GFOD1: variants seen among roughly 807,000 people sequenced by gnomAD.
GFOD1 encodes Gfo/Idh/MocA-like oxidoreductase domain containing 1.
Under a neutral mutation model 25.4 loss-of-function variants are expected in GFOD1, and 9 were observed. The observed-to-expected ratio is 0.35, with a 90% CI of 0.21 to 0.62. GFOD1 has a LOEUF of 0.62. Ranked by LOEUF, GFOD1 falls within the 20% of genes least tolerant of loss-of-function variation. The pLI is 0.72. For missense variants in GFOD1, 403 were observed against 556.9 expected, an observed-to-expected ratio of 0.72 and a Z score of 2.78; for synonymous variants, 253 against 245.6, an observed-to-expected ratio of 1.03 and a Z score of -0.28.
At chr6:13,373,533 A>C (rs1182935505) in intron 1 of GFOD1, among the ~76,000 whole-genome samples, 2 of 152,110 alleles carry the variant, frequency 1.3e-5, no homozygotes, top group African/African-American at 4.8e-5. Flanking sequence ...GTAAAGAAAA[A>C]GAAAAAAGGC....
chr6:13,471,086 A>G (rs1758493328), intron 1 of GFOD1, among the ~76,000 whole-genome samples: 1 of 152,224 alleles, frequency 6.6e-6, no homozygotes, highest in Non-Finnish European at 1.5e-5. Context: ...GAGGAGGAAT[A>G]AAGTCGGAAA....
rs573544365 is a variant in GFOD1, at chr6:13,419,759, C to T, written c.254-54097G>A. Among the ~76,000 whole-genome samples, 3 of 152,328 alleles carry T rather than the reference C, an allele frequency of 2.0e-5. 1 individual carries two copies. The South Asian group carries it at 6.2e-4, about 32-fold the overall frequency. On this transcript the variant is annotated intron_variant, in intron 1 of 1. Transcript: ENST00000379287. Reference sequence around the variant, plus strand: ...GGGACACGGAAACCCACTCCCACCCCCTTCGCACTCACTGTTGCTTCCACC... The same window carrying T: ...GGGACACGGAAACCCACTCCCACCCTCTTCGCACTCACTGTTGCTTCCACC...
At chr6:13,476,284 C>T (rs769973312) in intron 1 of GFOD1, among the ~76,000 whole-genome samples, 9 of 152,282 alleles carry the variant, frequency 5.9e-5, no homozygotes, top group South Asian at 4.1e-4. Flanking sequence ...ACTTCTGAGC[C>T]GTGCAACAAC....
chr6:13,450,119 C>A (rs1213974949), intron 1 of GFOD1, among the ~76,000 whole-genome samples: 2 of 152,112 alleles, frequency 1.3e-5, no homozygotes, highest in African/African-American at 4.8e-5. Flanking sequence ...GAATGTCAAA[C>A]CAGGCCAAGA....
chr6:13,376,735 CT>C (rs1362810489), intron 1 of GFOD1, among the ~76,000 whole-genome samples: 15 of 152,160 alleles, frequency 9.9e-5, no homozygotes, highest in African/African-American at 3.6e-4. Flanking sequence ...GGAATCTATG[CT>C]TTCTCTTCCC....
chr6:13,360,701 T>G lies in GFOD1; in HGVS notation c.*4042A>C, dbSNP rs752840421. On this transcript the variant is annotated 3_prime_UTR_variant, in exon 2 of 2. Transcript: ENST00000379287. ...TTCTATGTGCAGCTCTACAGCCTCCTGGCAGAACATCAGATGTTGCATCCT... is the reference window on the plus strand; with the variant it reads ...TTCTATGTGCAGCTCTACAGCCTCCGGGCAGAACATCAGATGTTGCATCCT... The G allele has an allele frequency of 8.8e-6, 4 of 456,674 alleles. No homozygotes were observed. The highest frequency in any genetic ancestry group is 4.6e-5 in the South Asian group (3 of 64,582). 28.3% of individuals were successfully genotyped at this position (456,674 alleles called of 1,614,324 possible).
At chr6:13,425,018 G>C (rs937065283) in intron 1 of GFOD1, among the ~76,000 whole-genome samples, 2 of 148,196 alleles carry the variant, frequency 1.3e-5, no homozygotes, top group Non-Finnish European at 3.0e-5. Flanking sequence ...GAGTGCAGTG[G>C]TGCAATCTAG....
intron 1 of GFOD1, among the ~76,000 whole-genome samples, chr6:13,409,457 T>A (rs1405140817): frequency 6.6e-6 from 1 of 152,130 alleles, no homozygotes; most frequent in Non-Finnish European, 1.5e-5. Context: ...AAACCCACCA[T>A]CCGTCAAGTA....
chr6:13,487,369 G>C lies in GFOD1; in HGVS notation c.-479C>G, dbSNP rs1184672637. On this transcript the variant is annotated 5_prime_UTR_variant, in exon 1 of 2. Coordinates refer to ENST00000379287, the MANE Select transcript of GFOD1 (RefSeq NM_018988.4). This position sits in a 1 kb window ranked among gnomAD's most constrained non-coding sequence, Gnocchi z 4.9. ...AAACGTCTACACCCTGCCAGAGCAC[G>C]GAACCGCTCCGCGGGGGAGTCTCCT... 6.4e-6 allele frequency: 1 copy of C among 155,346 alleles called. No individual in the cohort carries two copies. The highest frequency in any genetic ancestry group is 2.0e-4 in the South Asian group (1 of 4,890). The allele number at this position is 155,346 out of a possible 1,614,324, so 9.6% of individuals were successfully genotyped here. A position where few individuals can be genotyped will look rare whatever the true frequency, so the allele number is the denominator to read the frequency against.
chr6:13,482,211 T>C (rs1315501782), intron 1 of GFOD1, among the ~76,000 whole-genome samples: 1 of 148,670 alleles, frequency 6.7e-6, no homozygotes, highest in Non-Finnish European at 1.5e-5. Context: ...AAGATATAAA[T>C]ATACATAAAT....
intron 1 of GFOD1, among the ~76,000 whole-genome samples, chr6:13,376,967 GT>G (rs1453910792): frequency 6.6e-6 from 1 of 151,926 alleles, no homozygotes; most frequent in African/African-American, 2.4e-5. Flanking sequence ...TCTATTCAAG[GT>G]GGGTTGTGCT....
intron 1 of GFOD1, among the ~76,000 whole-genome samples, chr6:13,440,986 C>A (rs916701345): frequency 2.6e-5 from 4 of 152,170 alleles, no homozygotes; most frequent in African/African-American, 9.7e-5. Flanking sequence ...TAGGGTTTGG[C>A]CTATTACACA....
chr6:13,393,368 CAAAAAAAAAAAAAA>C (rs70989853), intron 1 of GFOD1, among the ~76,000 whole-genome samples: 2 of 72,490 alleles, frequency 2.8e-5, no homozygotes, highest in Admixed American at 1.8e-4. Context: ...AAACAACCAC[CAAAAAAAAAAAAAA>C]AAAAAAAAAA....
Position 13,484,863 on chromosome 6 carries a change from G to A in GFOD1, c.253+1775C>T, listed in dbSNP as rs184910585. Among the ~76,000 whole-genome samples the A allele has an allele frequency of 5.3e-5, 8 of 152,142 alleles. No individual in the cohort carries two copies. In the East Asian group the frequency reaches 1.3e-3, roughly 26 times the overall value. ...ACTGCCATCTTTATGGTGGAGAAAC[G>A]ATGTTAACAACATGGTCTTTCAGAT... On this transcript the variant is annotated intron_variant, in intron 1 of 1. Coordinates refer to ENST00000379287, the MANE Select transcript of GFOD1 (RefSeq NM_018988.4).
intron 1 of GFOD1, among the ~76,000 whole-genome samples, chr6:13,451,499 G>A (rs1758098288): frequency 6.6e-6 from 1 of 152,208 alleles, no homozygotes; most frequent in Non-Finnish European, 1.5e-5. Context: ...TCAACACAGG[G>A]TCACCTTGAG....
chr6:13,470,773 T>C, intron 1 of GFOD1: 18 of 1,198,726 alleles, frequency 1.5e-5, no homozygotes, highest in South Asian at 8.7e-5. Context: ...ATCATTACTT[T>C]GCCCTTGACT....
intron 1 of GFOD1, among the ~76,000 whole-genome samples, chr6:13,397,188 C>T (rs534943121): frequency 1.8e-4 from 27 of 152,308 alleles, no homozygotes; most frequent in Admixed American, 6.5e-4. Flanking sequence ...ATTGGCCCGC[C>T]TCGGCCTCCC....
At chr6:13,455,111 CACAA>C (rs947109884) in intron 1 of GFOD1, among the ~76,000 whole-genome samples, 5 of 152,148 alleles carry the variant, frequency 3.3e-5, no homozygotes, top group African/African-American at 7.2e-5. Context: ...GGGCTCTACA[CACAA>C]ACACACACAC....
chr6:13,368,543 G>T (rs1436531792), intron 1 of GFOD1, among the ~76,000 whole-genome samples: 1 of 152,178 alleles, frequency 6.6e-6, no homozygotes. Context: ...GCAGGGACAG[G>T]TGATAAATAC....
Sources: allele counts gnomAD v4.1 joint callset (sites outside exome capture counted in the v4.1 genomes callset), GRCh38; gene constraint gnomAD v4.1.1; non-coding constraint Gnocchi (gnomAD v3.1); transcripts MANE v1.5; gene names NCBI Gene and HGNC (gene_info 2026-07-23, HGNC 2026-07-21).